The following CATSPERT variants were observed in gnomAD, a reference collection of about 807,000 sequenced individuals.
CATSPERT encodes the protein catsper channel auxiliary subunit tau.
chr2:201,567,224 A>G, the CATSPERT span, among the ~76,000 whole-genome samples: 1 of 152,166 alleles, frequency 6.6e-6, no homozygotes, highest in African/African-American at 2.4e-5. Flanking sequence ...AAATGTGAAC[A>G]TCTTTTTTCC....
chr2:201,592,465 G>A, the CATSPERT span, among the ~76,000 whole-genome samples: 2 of 149,920 alleles, frequency 1.3e-5, no homozygotes, highest in African/African-American at 4.9e-5. Flanking sequence ...GTCTCTGCCC[G>A]CCTTTGGTAT....
the CATSPERT span, among the ~76,000 whole-genome samples, chr2:201,614,895 G>A: frequency 0.42 from 63,282 of 151,914 alleles, 13,599 homozygotes; most frequent in East Asian, 0.63. Context: ...ACAAGAAAAA[G>A]CAGGGGTTGC....
At chr2:201,571,391 T>C in the CATSPERT span, among the ~76,000 whole-genome samples, 11 of 152,324 alleles carry the variant, frequency 7.2e-5, no homozygotes, top group African/African-American at 2.6e-4. Flanking sequence ...TCTCAGGTGC[T>C]CATTTTTCTA....
At chr2:201,601,870 A>C in the CATSPERT span, 2 of 1,599,236 alleles carry the variant, frequency 1.3e-6, no homozygotes, top group Non-Finnish European at 1.7e-6. Context: ...AAATTAGCAT[A>C]ATGTTGTAAA....
chr2:201,571,580 A>G, the CATSPERT span, among the ~76,000 whole-genome samples: 3 of 152,306 alleles, frequency 2.0e-5, no homozygotes, highest in East Asian at 1.9e-4. Flanking sequence ...ACTGATAACT[A>G]TCAGACAGTC....
the CATSPERT span, among the ~76,000 whole-genome samples, chr2:201,605,628 G>A: frequency 6.6e-6 from 1 of 152,004 alleles, no homozygotes; most frequent in Non-Finnish European, 1.5e-5. Flanking sequence ...CAAGAAATAC[G>A]GAAAATCCGA....
At chr2:201,585,322 G>C in the CATSPERT span, among the ~76,000 whole-genome samples, 5 of 150,106 alleles carry the variant, frequency 3.3e-5, no homozygotes, top group Non-Finnish European at 5.9e-5. Flanking sequence ...ACCATGGCAC[G>C]TGTATACCTA....
At chr2:201,607,180 G>A in the CATSPERT span, among the ~76,000 whole-genome samples, 5 of 152,072 alleles carry the variant, frequency 3.3e-5, no homozygotes, top group African/African-American at 7.2e-5. Flanking sequence ...AACATGACCC[G>A]ATCTTTCGGA....
At chr2:201,525,136 C>T in the CATSPERT span, among the ~76,000 whole-genome samples, 3 of 152,212 alleles carry the variant, frequency 2.0e-5, no homozygotes, top group Non-Finnish European at 2.9e-5. Flanking sequence ...ACAGAACTCT[C>T]TGCCCCAGAA....
At chr2:201,604,514 T>A in the CATSPERT span, 1 of 640,644 alleles carries the variant, frequency 1.6e-6, no homozygotes, top group South Asian at 3.7e-5. Context: ...GAAAAATTCA[T>A]AAATACGCCA....
the CATSPERT span, among the ~76,000 whole-genome samples, chr2:201,586,918 TA>T: frequency 6.6e-6 from 1 of 152,124 alleles, no homozygotes; most frequent in African/African-American, 2.4e-5. Context: ...TTCTCAAATT[TA>T]ATGCTAATTT....
At chr2:201,586,979 C>T in the CATSPERT span, among the ~76,000 whole-genome samples, 3 of 151,960 alleles carry the variant, frequency 2.0e-5, no homozygotes, top group African/African-American at 7.3e-5. Flanking sequence ...CCCTGGCTCC[C>T]TCCCTCTCTT....
the CATSPERT span, among the ~76,000 whole-genome samples, chr2:201,575,034 C>G: frequency 1.0e-5 from 1 of 97,920 alleles, no homozygotes; most frequent in East Asian, 3.0e-4. Context: ...CACCATTTAG[C>G]AAAAAAAAAA....
At chr2:201,491,138 A>G in the CATSPERT span, 1 of 1,490,258 alleles carries the variant, frequency 6.7e-7, no homozygotes, top group East Asian at 2.5e-5. Context: ...TGCCAAATAC[A>G]GAAGTAGAAG....
chr2:201,577,918 G>A, the CATSPERT span, among the ~76,000 whole-genome samples: 1 of 152,086 alleles, frequency 6.6e-6, no homozygotes, highest in African/African-American at 2.4e-5. Context: ...AATATTAATT[G>A]GTTTGATTGA....
chr2:201,545,842 A>T, the CATSPERT span, among the ~76,000 whole-genome samples: 2 of 152,104 alleles, frequency 1.3e-5, no homozygotes, highest in Non-Finnish European at 2.9e-5. Context: ...CTAGGAGTTG[A>T]TGTTCCAAAG....
At chr2:201,496,755 T>C in the CATSPERT span, among the ~76,000 whole-genome samples, 7 of 152,204 alleles carry the variant, frequency 4.6e-5, no homozygotes, top group Non-Finnish European at 8.8e-5. Context: ...CACAGAACCA[T>C]TGAATTTTTA....
chr2:201,615,943 A>G, the CATSPERT span, among the ~76,000 whole-genome samples: 1 of 152,236 alleles, frequency 6.6e-6, no homozygotes. Context: ...ATGCAAATAA[A>G]GTAGAAAATC....
the CATSPERT span, among the ~76,000 whole-genome samples, chr2:201,586,927 T>C: frequency 1.3e-5 from 2 of 152,232 alleles, no homozygotes; most frequent in East Asian, 3.9e-4. Context: ...TTAATGCTAA[T>C]TTAGTTTCCA....
Sources: allele counts gnomAD v4.1 joint callset (sites outside exome capture counted in the v4.1 genomes callset), GRCh38; gene constraint gnomAD v4.1.1; transcripts MANE v1.5; gene names NCBI Gene and HGNC (gene_info 2026-07-23, HGNC 2026-07-21).